Variants in CNTRL observed in about 807,000 individuals in gnomAD.
The protein encoded by CNTRL is 110 kDa centrosomal protein.
A neutral mutation model predicts 303.7 loss-of-function variants in CNTRL; 233 were observed. The observed-to-expected ratio is 0.77, with a 90% confidence interval of 0.69 to 0.86. The LOEUF (loss-of-function observed/expected upper bound fraction) is 0.86, where lower values mean the gene tolerates loss of function less well. Ranked by LOEUF, CNTRL falls within the 40% of genes least tolerant of loss-of-function variation. CNTRL has a pLI of 0.00. For synonymous variants in CNTRL, 900 were observed against 922.2 expected (o/e 0.98, Z 0.44); for missense variants, 2,524 against 2,650.6 (o/e 0.95, Z 1.05).
At chr9:121,136,006 T>G in intron 15 of CNTRL, 24 bp downstream of exon 15, 1 of 1,567,232 alleles carries the variant, frequency 6.4e-7, no homozygotes, top group Non-Finnish European at 8.7e-7. Context: ...TGAAGCCAAC[T>G]GCAAACTAAG....
At chr9:121,077,410 A>G (rs1252532835) in intron 1 of CNTRL, among the ~76,000 whole-genome samples, 1 of 151,996 alleles carries the variant, frequency 6.6e-6, no homozygotes, top group Non-Finnish European at 1.5e-5. Context: ...TCCAGGCAGT[A>G]GCCTAAGAAA....
intron 8 of CNTRL, 68 bp from the exon 9 acceptor site, chr9:121,112,391 C>T: frequency 7.0e-7 from 1 of 1,434,422 alleles, no homozygotes; most frequent in Non-Finnish European, 9.6e-7. Context: ...GAGAACTTAC[C>T]ATATCATCAC....
At chr9:121,143,863 A>G (rs1324921060) in intron 19 of CNTRL, 40 bp from the exon 20 acceptor site, 2 of 1,504,036 alleles carry the variant, frequency 1.3e-6, no homozygotes. Context: ...CATTCCTGCC[A>G]AATGATTCAT....
chr9:121,096,670 C>A, intron 6 of CNTRL, 107 bp downstream of exon 6: 1 of 901,068 alleles, frequency 1.1e-6, no homozygotes, highest in East Asian at 3.0e-5. Flanking sequence ...GATTTTGCTC[C>A]TTTGACTAAA....
intron 5 of CNTRL, among the ~76,000 whole-genome samples, chr9:121,095,232 T>C (rs1385222998): frequency 6.6e-6 from 1 of 152,196 alleles, no homozygotes; most frequent in African/African-American, 2.4e-5. Flanking sequence ...ACATCTAGCA[T>C]TATCAAAGAG....
chr9:121,157,839 C>A lies in CNTRL; in HGVS notation c.4596C>A (p.Asp1532Glu). The change falls in exon 29 of 44, where the codon GAC becomes GAA. Residue 1532 changes from aspartate to glutamate, a missense_variant. Transcript: ENST00000373855. The part of the protein sequence containing the change: ...INKIVAAKDS[D>E]FQCLSKKKEK... ...AAATTGTAGCAGCAAAAGACTCAGA[C>A]TTCCAATGTTTAAGCAAGAAGAAGG... The A allele has an allele frequency of 6.2e-7, 1 of 1,614,152 alleles. No individual in the cohort carries two copies. Among genetic ancestry groups the A allele is most frequent in the Non-Finnish European group, 8.5e-7 (1 of 1,180,034 alleles).
chr9:121,140,913 C>G, intron 17 of CNTRL, 127 bp downstream of exon 17: 1 of 857,494 alleles, frequency 1.2e-6, no homozygotes, highest in Non-Finnish European at 1.7e-6. Context: ...GTAAGGTTCT[C>G]CTTATGAAGT....
intron 25 of CNTRL, 186 bp from the exon 26 acceptor site, chr9:121,152,299 A>G: frequency 1.7e-6 from 1 of 583,704 alleles, no homozygotes. Flanking sequence ...TGAAAAATTA[A>G]AGGTTCTATT....
At position 121,135,839 on chromosome 9, in the gene CNTRL, C is replaced by T. The variant is rs1363455912; in HGVS notation, c.2059C>T (p.Gln687Ter). Residue 687 changes from glutamine to a stop codon, truncating the protein, a stop_gained, in exon 15 of 44, where the codon CAG (glutamine) becomes TAG (stop). Coordinates refer to ENST00000373855, the MANE Select transcript of CNTRL (RefSeq NM_007018.6). LOFTEE classifies it high-confidence loss of function. ...AGAGCTAGAAAGTGCCCTCCAAGAG[C>T]AGCATGAGGTGAATGCATCTTTGCA... Reference protein sequence around the residue: ...LAELESALQEQHEVNASLQQT... With the variant: ...LAELESALQE 6.2e-7 allele frequency: 1 copy of T among 1,613,314 alleles called. No individual in the cohort carries two copies. Among genetic ancestry groups the T allele is most frequent in the Non-Finnish European group, 8.5e-7 (1 of 1,179,720 alleles).
intron 14 of CNTRL, among the ~76,000 whole-genome samples, chr9:121,134,961 G>T (rs1234607808): frequency 6.6e-6 from 1 of 152,164 alleles, no homozygotes; most frequent in Non-Finnish European, 1.5e-5. Flanking sequence ...TTGGTTATAT[G>T]TAGTATCTAT....
intron 7 of CNTRL, among the ~76,000 whole-genome samples, chr9:121,099,423 A>T (rs1301497030): frequency 6.6e-6 from 1 of 152,248 alleles, no homozygotes; most frequent in Non-Finnish European, 1.5e-5. Context: ...CAAAGACCAA[A>T]GGTAGATAAA....
At chr9:121,092,119 G>A (rs562228112) in intron 4 of CNTRL, among the ~76,000 whole-genome samples, 1 of 144,908 alleles carries the variant, frequency 6.9e-6, no homozygotes, top group South Asian at 2.1e-4. Context: ...GATTTTTATA[G>A]CAAACATGTA....
chr9:121,105,543 G>A lies in CNTRL; in HGVS notation c.809-2259G>A, dbSNP rs182541052. Among the ~76,000 whole-genome samples, 415 of 152,296 alleles carry A rather than the reference G, an allele frequency of 2.7e-3. 3 individuals carry two copies. Among genetic ancestry groups the A allele is most frequent in the Non-Finnish European group, 4.9e-3 (331 of 68,018 alleles). Reference sequence around the variant, plus strand: ...TGCTCAGTCACATCAGCATAAAAATGACATTAAATTGCATGGGAATCAGCT... The same window carrying A: ...TGCTCAGTCACATCAGCATAAAAATAACATTAAATTGCATGGGAATCAGCT... On this transcript the variant is annotated intron_variant, in intron 7 of 43. Transcript: ENST00000373855.
intron 36 of CNTRL, among the ~76,000 whole-genome samples, 179 bp from the exon 37 acceptor site, chr9:121,167,306 CAAAA>C (rs34581990): frequency 1.3e-5 from 2 of 148,948 alleles, no homozygotes; most frequent in African/African-American, 2.5e-5. Flanking sequence ...GCAAGACTGT[CAAAA>C]AAAAAAAAGT....
intron 7 of CNTRL, among the ~76,000 whole-genome samples, chr9:121,099,041 C>T (rs2049016128): frequency 6.6e-6 from 1 of 152,116 alleles, no homozygotes; most frequent in Non-Finnish European, 1.5e-5. Flanking sequence ...TTAAACGTCC[C>T]TGACTGACAG....
At position 121,165,059 on chromosome 9, in the gene CNTRL, C is replaced by G; in HGVS notation, c.5540C>G (p.Ser1847Ter). 1 of 1,604,208 alleles carries G rather than the reference C, an allele frequency of 6.2e-7. No individual in the cohort carries two copies. The highest frequency in any genetic ancestry group is 8.5e-7 in the Non-Finnish European group (1 of 1,176,418). ...ELDQLNRDKL[S>*]LHNDISAMQQ... is the part of the protein sequence containing the mutation. ...GACCAACTAAACAGAGACAAGTTGT[C>G]ACTGCATAACGACATTTCAGCAATG... The change falls in exon 35 of 44, where the codon TCA (serine) becomes TGA (stop). Residue 1847 changes from serine (S) to a stop codon, truncating the protein, a stop_gained. Coordinates refer to ENST00000373855, the MANE Select transcript of CNTRL (RefSeq NM_007018.6). LOFTEE classifies it high-confidence loss of function.
intron 38 of CNTRL, among the ~76,000 whole-genome samples, chr9:121,168,724 A>C (rs1408136559): frequency 6.6e-6 from 1 of 152,210 alleles, no homozygotes; most frequent in Non-Finnish European, 1.5e-5. Flanking sequence ...ACCAGAATAC[A>C]GGTGTTTGCT....
At chr9:121,152,348 C>T (rs866450303) in intron 25 of CNTRL, 137 bp from the exon 26 acceptor site, 1 of 656,290 alleles carries the variant, frequency 1.5e-6, no homozygotes. Context: ...ACTTTTTATA[C>T]CAAAGTCTTA....
chr9:121,175,256 A>C, intron 43 of CNTRL, 32 bp downstream of exon 43: 12 of 1,583,870 alleles, frequency 7.6e-6, no homozygotes, highest in Non-Finnish European at 9.5e-6. Context: ...AAACAAAACA[A>C]TAGCCTGAGG....
Sources: allele counts gnomAD v4.1 joint callset (sites outside exome capture counted in the v4.1 genomes callset), GRCh38; gene constraint gnomAD v4.1.1; transcripts MANE v1.5; gene names NCBI Gene and HGNC (gene_info 2026-07-23, HGNC 2026-07-21).